The following CAMK4 variants were observed in gnomAD, a reference collection of about 807,000 sequenced individuals.
CAMK4 encodes the protein calcium/calmodulin dependent protein kinase IV, also known as calcium/calmodulin-dependent protein kinase type IV.
Under a neutral mutation model 44.9 loss-of-function variants are expected in CAMK4, and 22 were observed. The ratio of observed to expected loss-of-function variants is 0.49; its 90% CI spans 0.35 to 0.70. The LOEUF (loss-of-function observed/expected upper bound fraction) is 0.70, where lower values mean the gene tolerates loss of function less well. Ranked by LOEUF, CAMK4 falls within the 30% of genes least tolerant of loss-of-function variation. CAMK4 has a pLI of 0.01. For missense variants in CAMK4, 498 were observed against 586.8 expected, an observed-to-expected ratio of 0.85 and a Z score of 1.56; for synonymous variants, 218 against 215.4, an observed-to-expected ratio of 1.01 and a Z score of -0.11.
In CAMK4 at chr5:111,396,631, C is replaced by CTTTTTTTTTTT. The variant is rs540495109; in HGVS notation, c.459+1866_459+1876dup. Among the ~76,000 whole-genome samples the CTTTTTTTTTTT allele has an allele frequency of 8.2e-3, 384 of 47,024 alleles. 96 individuals carry two copies. Among genetic ancestry groups the CTTTTTTTTTTT allele is most frequent in the Non-Finnish European group, 9.4e-3 (261 of 27,872 alleles). The allele number at this position is 47,024 out of a possible 152,430, so 30.8% of individuals were successfully genotyped here. On this transcript the variant is annotated intron_variant, in intron 5 of 10. Coordinates refer to ENST00000282356, the MANE Select transcript of CAMK4 (RefSeq NM_001744.6). ...ACTTTAATTGCCATTAACTCATATT[C>CTTTTTTTTTTT]TTTTTTTTTTTTTTTTTTTTTTTTT...
rs1379971827 is a variant in CAMK4, at chr5:111,406,191, A to ATT, written c.459+11412_459+11413dup. On this transcript the variant is annotated intron_variant, in intron 5 of 10. Transcript: ENST00000282356. ...CACTCCTGTTTCCTTCTCCTAATTTATTTTCTCTCTCTCTCTCTCTCTCTC... is the reference window on the plus strand; with the variant it reads ...CACTCCTGTTTCCTTCTCCTAATTTATTTTTTCTCTCTCTCTCTCTCTCTCTC... Among the ~76,000 whole-genome samples the ATT allele has an allele frequency of 5.8e-4, 32 of 55,114 alleles. 1 individual carries two copies. Among genetic ancestry groups the ATT allele is most frequent in the Admixed American group, 1.8e-3 (9 of 5,078 alleles). The allele number at this position is 55,114 out of a possible 152,430, so 36.2% of individuals were successfully genotyped here. A position where few individuals can be genotyped will look rare whatever the true frequency, so the allele number is the denominator to read the frequency against.
intron 4 of CAMK4, among the ~76,000 whole-genome samples, chr5:111,389,828 G>T (rs1751737044): frequency 6.6e-6 from 1 of 152,140 alleles, no homozygotes; most frequent in Non-Finnish European, 1.5e-5. Context: ...AGCTCCTGAG[G>T]CTATAGGTAC....
intron 1 of CAMK4, among the ~76,000 whole-genome samples, chr5:111,235,483 T>C (rs1748672463): frequency 1.3e-5 from 2 of 152,206 alleles, no homozygotes; most frequent in African/African-American, 4.8e-5. Flanking sequence ...GCTCTTCCTC[T>C]CTTTTTCCCC....
chr5:111,262,428 C>T (rs1165821736), intron 1 of CAMK4, among the ~76,000 whole-genome samples: 1 of 152,040 alleles, frequency 6.6e-6, no homozygotes, highest in African/African-American at 2.4e-5. Flanking sequence ...AGGGATGGCT[C>T]CCAGGTTCTT....
At chr5:111,418,374 G>A (rs972171888) in intron 5 of CAMK4, among the ~76,000 whole-genome samples, 3 of 152,118 alleles carry the variant, frequency 2.0e-5, no homozygotes, top group African/African-American at 4.8e-5. Context: ...CCACAGGATG[G>A]GGTGAAATTA....
intron 1 of CAMK4, among the ~76,000 whole-genome samples, chr5:111,312,764 A>C (rs1475951756): frequency 6.6e-6 from 1 of 152,142 alleles, no homozygotes; most frequent in Non-Finnish European, 1.5e-5. Context: ...AATGAACTGG[A>C]GGCCAACTCC....
intron 5 of CAMK4, among the ~76,000 whole-genome samples, chr5:111,430,630 A>G (rs1753409010): frequency 6.6e-6 from 1 of 152,234 alleles, no homozygotes; most frequent in South Asian, 2.1e-4. Context: ...AAATCAACAT[A>G]CAAAAATCAG....
At position 111,448,190 on chromosome 5, in the gene CAMK4, A is replaced by G. The variant is rs577010734; in HGVS notation, c.551-939A>G. Reference sequence around the variant, plus strand: ...TAGTTCATAATGGTAGCAACTTTCGATAATCTTTTACCTAGGTAATATTCT... The same window carrying G: ...TAGTTCATAATGGTAGCAACTTTCGGTAATCTTTTACCTAGGTAATATTCT... On this transcript the variant is annotated intron_variant, in intron 6 of 10. Coordinates refer to ENST00000282356, the MANE Select transcript of CAMK4 (RefSeq NM_001744.6). 2.6e-5 allele frequency among the ~76,000 whole-genome samples: 4 copies of G among 152,348 alleles called. No homozygotes were observed. The East Asian group carries it at 7.7e-4, about 29-fold the overall frequency.
At chr5:111,474,662 TA>T in intron 8 of CAMK4, among the ~76,000 whole-genome samples, 1 of 152,262 alleles carries the variant, frequency 6.6e-6, no homozygotes, top group Non-Finnish European at 1.5e-5. Context: ...ATAGTGATCT[TA>T]AAAAATTCAA....
intron 1 of CAMK4, among the ~76,000 whole-genome samples, chr5:111,329,637 A>C (rs1373231640): frequency 6.6e-6 from 1 of 151,820 alleles, no homozygotes; most frequent in African/African-American, 2.4e-5. Context: ...ATCATCAGCA[A>C]ATGGGGATTA....
At position 111,323,943 on chromosome 5, in the gene CAMK4, T is replaced by C. The variant is rs79821243; in HGVS notation, c.162-20081T>C. ...GTCCCTGAAGTAAAATATAGGATAA[T>C]AACAGTCCAAAAGATAGGAAAGCAA... On this transcript the variant is annotated intron_variant, in intron 1 of 10. Transcript: ENST00000282356. Among the ~76,000 whole-genome samples, 42 of 152,142 alleles carry C rather than the reference T, an allele frequency of 2.8e-4. 1 individual carries two copies. Among genetic ancestry groups the C allele is most frequent in the African/African-American group, 9.9e-4 (41 of 41,560 alleles).
At chr5:111,273,698 TATATATATATATATATATATACAC>T (rs1279785927) in intron 1 of CAMK4, among the ~76,000 whole-genome samples, 16 of 54,702 alleles carry the variant, frequency 2.9e-4, no homozygotes, top group African/African-American at 1.7e-3. Flanking sequence ...TATATATATA[TATATATATATATATATATATACAC>T]ACACATACAT....
chr5:111,430,142 G>C (rs959074190), intron 5 of CAMK4, among the ~76,000 whole-genome samples: 4 of 152,200 alleles, frequency 2.6e-5, no homozygotes, highest in Admixed American at 6.5e-5. Flanking sequence ...ATTTATCCCT[G>C]GGATACAAGG....
chr5:111,397,418 G>A (rs1314390621), intron 5 of CAMK4, among the ~76,000 whole-genome samples: 2 of 152,138 alleles, frequency 1.3e-5, no homozygotes, highest in Non-Finnish European at 2.9e-5. Context: ...GTAGATGTAT[G>A]CAGACACACT....
At chr5:111,439,750 A>C (rs1039975821) in intron 5 of CAMK4, among the ~76,000 whole-genome samples, 5 of 152,142 alleles carry the variant, frequency 3.3e-5, no homozygotes, top group African/African-American at 1.2e-4. Flanking sequence ...CACCCTGGAA[A>C]CACAGAAAAA....
chr5:111,269,143 C>A (rs192404766), intron 1 of CAMK4, among the ~76,000 whole-genome samples: 25 of 152,274 alleles, frequency 1.6e-4, no homozygotes, highest in Middle Eastern at 3.4e-3. Context: ...TGTAAACATG[C>A]CCATCATGTA....
chr5:111,252,717 C>G (rs1195092739), intron 1 of CAMK4, among the ~76,000 whole-genome samples: 1 of 152,142 alleles, frequency 6.6e-6, no homozygotes, highest in African/African-American at 2.4e-5. Flanking sequence ...AACTTTGACT[C>G]TATTATTTGT....
rs149158631 is a variant in CAMK4 at position 111,264,717 on chromosome 5, C to T, written c.161+40073C>T. ...GAAATGGCTGCAGAGATTGAGCCCT[C>T]TTCTTTCATGGCAAGGTTCCAAGGA... is the stretch of plus-strand genomic sequence containing the variant. On this transcript the variant is annotated intron_variant, in intron 1 of 10. Transcript: ENST00000282356. Among the ~76,000 whole-genome samples, 3 of 152,218 alleles carry T rather than the reference C, an allele frequency of 2.0e-5. No homozygotes were observed. In the East Asian group the frequency reaches 5.8e-4, roughly 30 times the overall value.
chr5:111,277,505 C>G (rs1030742881), intron 1 of CAMK4: 1 of 152,138 alleles, frequency 6.6e-6, no homozygotes, highest in Admixed American at 6.5e-5. Context: ...TTCCTTTTTA[C>G]CTCTTTTTCA....
Sources: allele counts gnomAD v4.1 joint callset (sites outside exome capture counted in the v4.1 genomes callset), GRCh38; gene constraint gnomAD v4.1.1; transcripts MANE v1.5; gene names NCBI Gene and HGNC (gene_info 2026-07-23, HGNC 2026-07-21).